SGCG: variants seen among roughly 807,000 people sequenced by gnomAD.
SGCG encodes gamma-sarcoglycan.
Under a neutral mutation model 29.3 loss-of-function variants are expected in SGCG, and 26 were observed. That is an observed-to-expected ratio of 0.89 (90% CI 0.65 to 1.23). The LOEUF is 1.23. SGCG is among the 50% of genes most tolerant of loss of function. The pLI, the probability that SGCG is intolerant of heterozygous loss-of-function variation, is 0.00. For synonymous variants in SGCG, 145 were observed against 129.7 expected (o/e 1.12, Z -0.80); for missense variants, 353 against 356.0 (o/e 0.99, Z 0.07).
chr13:23,291,078 T>C (rs1237502602), intron 5 of SGCG, among the ~76,000 whole-genome samples: 1 of 152,244 alleles, frequency 6.6e-6, no homozygotes, highest in African/African-American at 2.4e-5. Context: ...AGAATGGTGT[T>C]GTTTGAGTAC....
At chr13:23,272,421 T>TTAA (rs1359443512) in intron 4 of SGCG, among the ~76,000 whole-genome samples, 1 of 152,188 alleles carries the variant, frequency 6.6e-6, no homozygotes, top group Non-Finnish European at 1.5e-5. Flanking sequence ...TATGATTTAT[T>TTAA]TTTATTAGAT....
intron 2 of SGCG, among the ~76,000 whole-genome samples, chr13:23,204,317 T>C (rs1001474823): frequency 9.9e-5 from 15 of 152,206 alleles, no homozygotes; most frequent in African/African-American, 3.6e-4. Flanking sequence ...TACACTTTCA[T>C]TTTTTAAAAA....
intron 4 of SGCG, among the ~76,000 whole-genome samples, chr13:23,262,123 C>A (rs1335085830): frequency 6.6e-6 from 1 of 151,876 alleles, no homozygotes; most frequent in Non-Finnish European, 1.5e-5. Context: ...CACTAGGTAA[C>A]AATCAACATG....
intron 2 of SGCG, among the ~76,000 whole-genome samples, chr13:23,224,629 A>ACCAACCCCAAATT (rs1352853334): frequency 6.7e-6 from 1 of 149,694 alleles, no homozygotes; most frequent in Non-Finnish European, 1.5e-5. Flanking sequence ...GAAATCTCCC[A>ACCAACCCCAAATT]CCAACCCCAA....
chr13:23,293,952 GA>G (rs1464751706), intron 5 of SGCG, among the ~76,000 whole-genome samples: 1 of 152,066 alleles, frequency 6.6e-6, no homozygotes, highest in Non-Finnish European at 1.5e-5. Flanking sequence ...GTCCAATATT[GA>G]AACTAGTACA....
At chr13:23,217,353 T>C (rs1325023901) in intron 2 of SGCG, 1 of 152,118 alleles carries the variant, frequency 6.6e-6, no homozygotes, top group African/African-American at 2.4e-5. Context: ...AATTTATCAT[T>C]GTTTTCATAT....
intron 1 of SGCG, among the ~76,000 whole-genome samples, chr13:23,182,536 C>G (rs1312171329): frequency 1.3e-5 from 2 of 152,140 alleles, no homozygotes; most frequent in African/African-American, 2.4e-5. Flanking sequence ...ACTGCAGGGC[C>G]AGATAGTTCT....
intron 2 of SGCG, among the ~76,000 whole-genome samples, chr13:23,206,099 T>C (rs1877972044): frequency 6.6e-6 from 1 of 152,272 alleles, no homozygotes; most frequent in Non-Finnish European, 1.5e-5. Flanking sequence ...TAACGTATGC[T>C]TTAATTCTTA....
chr13:23,191,030 A>G (rs79363963), intron 1 of SGCG, among the ~76,000 whole-genome samples: 8,597 of 152,274 alleles, frequency 0.056, 832 homozygotes, highest in African/African-American at 0.2. Flanking sequence ...TTTCTGGATA[A>G]CAGAACACAA....
intron 3 of SGCG, among the ~76,000 whole-genome samples, chr13:23,235,340 C>A (rs1879266699): frequency 2.1e-5 from 3 of 144,430 alleles, no homozygotes; most frequent in Non-Finnish European, 3.0e-5. Context: ...GCCTGGGCAA[C>A]AAGAGCAAAA....
chr13:23,190,029 C>T (rs1422815231), intron 1 of SGCG, among the ~76,000 whole-genome samples: 1 of 151,934 alleles, frequency 6.6e-6, no homozygotes, highest in Non-Finnish European at 1.5e-5. Context: ...AAATATTCTG[C>T]TATCAAACTA....
intron 6 of SGCG, among the ~76,000 whole-genome samples, chr13:23,318,879 T>C (rs1381056166): frequency 1.3e-5 from 2 of 152,240 alleles, no homozygotes; most frequent in African/African-American, 4.8e-5. Context: ...AACACCCACT[T>C]TCACAAGGAT....
intron 1 of SGCG, among the ~76,000 whole-genome samples, chr13:23,191,737 T>G (rs1309445815): frequency 6.6e-6 from 1 of 152,210 alleles, no homozygotes; most frequent in Non-Finnish European, 1.5e-5. Flanking sequence ...GCTTTTCAGA[T>G]ACTAATCTTC....
chr13:23,199,772 T>C (rs562535486), intron 1 of SGCG, among the ~76,000 whole-genome samples: 1 of 152,166 alleles, frequency 6.6e-6, no homozygotes, highest in South Asian at 2.1e-4. Context: ...TAAATACAGC[T>C]CAAATATGGG....
At chr13:23,256,531 C>G (rs1393076674) in intron 4 of SGCG, among the ~76,000 whole-genome samples, 2 of 149,404 alleles carry the variant, frequency 1.3e-5, no homozygotes, top group Admixed American at 6.7e-5. Context: ...CTCCCCCATT[C>G]CCCCACCCCA....
chr13:23,208,834 C>G (rs1320816318), intron 2 of SGCG, among the ~76,000 whole-genome samples: 4 of 151,914 alleles, frequency 2.6e-5, no homozygotes, highest in African/African-American at 9.7e-5. Flanking sequence ...TATTTTCATT[C>G]TATAAAAATA....
chr13:23,310,381 G>C (rs112210096), intron 6 of SGCG, among the ~76,000 whole-genome samples: 47,080 of 151,822 alleles, frequency 0.31, 7,758 homozygotes, highest in African/African-American at 0.4. Flanking sequence ...CCACCGCGCC[G>C]GGCCTGAATT....
chr13:23,232,910 C>T (rs1879164034), intron 2 of SGCG, among the ~76,000 whole-genome samples: 1 of 152,126 alleles, frequency 6.6e-6, no homozygotes, highest in Non-Finnish European at 1.5e-5. Context: ...TGCTATCAAA[C>T]AGAAAATACC....
chr13:23,193,655 T>C (rs1877370542), intron 1 of SGCG, among the ~76,000 whole-genome samples: 1 of 152,148 alleles, frequency 6.6e-6, no homozygotes, highest in Non-Finnish European at 1.5e-5. Flanking sequence ...TATTGAAAAT[T>C]ACGTTACTTT....
Sources: gnomAD v4.1 joint callset for allele counts (sites outside exome capture counted in the v4.1 genomes callset) on GRCh38, gnomAD v4.1.1 for gene constraint, MANE v1.5 for transcripts, NCBI Gene and HGNC (gene_info 2026-07-23, HGNC 2026-07-21) for gene names.